Variants in CTNNA3 observed in about 807,000 individuals in gnomAD.
CTNNA3 encodes the protein catenin alpha-3.
CTNNA3 carries 76 observed loss-of-function variants against 95.7 expected under a neutral mutation model. The ratio of observed to expected loss-of-function variants is 0.79; its 90% CI spans 0.66 to 0.96. The LOEUF is 0.96. Ranked by LOEUF, CTNNA3 falls within the 40% of genes least tolerant of loss-of-function variation. The probability of loss-of-function intolerance (pLI) is 0.00; values close to 1 mark genes in which losing one functional copy is unlikely to be tolerated. For missense variants in CTNNA3, 1,191 were observed against 1,089.8 expected (o/e 1.09, Z -1.31); for synonymous variants, 431 against 374.4 (o/e 1.15, Z -1.74).
intron 3 of CTNNA3, among the ~76,000 whole-genome samples, chr10:67,595,814 T>C (rs1842918942): frequency 6.6e-6 from 1 of 152,232 alleles, no homozygotes; most frequent in Non-Finnish European, 1.5e-5. Context: ...TGCTCTAGTG[T>C]TGAGTACATA....
chr10:66,193,101 T>A (rs1481943205), intron 13 of CTNNA3, among the ~76,000 whole-genome samples: 1 of 152,128 alleles, frequency 6.6e-6, no homozygotes, highest in African/African-American at 2.4e-5. Flanking sequence ...ATTTACAAGG[T>A]CTATTGGGAG....
At chr10:67,642,286 A>T (rs1316486945) in intron 2 of CTNNA3, among the ~76,000 whole-genome samples, 1 of 152,138 alleles carries the variant, frequency 6.6e-6, no homozygotes, top group African/African-American at 2.4e-5. Flanking sequence ...CAATCTATTC[A>T]TCTGGCAAAG....
rs144854668 is a variant in CTNNA3, at chr10:67,695,236, A to G, written c.-6+764T>C. Among the ~76,000 whole-genome samples the G allele has an allele frequency of 5.2e-3, 793 of 152,324 alleles. 5 individuals are homozygous for G. Among genetic ancestry groups the G allele is most frequent in the African/African-American group, 0.015 (629 of 41,566 alleles). The stretch of plus-strand genomic sequence containing the variant: ...TATCTCCAGAGATCTTAGTAGGCAC[A>G]TATCAGTGACTCAAAACCTCTACAG... On this transcript the variant is annotated intron_variant, in intron 1 of 17. Coordinates refer to ENST00000433211, the MANE Select transcript of CTNNA3 (RefSeq NM_013266.4).
intron 13 of CTNNA3, among the ~76,000 whole-genome samples, chr10:66,232,330 A>G (rs1382468022): frequency 1.3e-5 from 2 of 152,214 alleles, no homozygotes; most frequent in Non-Finnish European, 2.9e-5. Flanking sequence ...AGTTCTCTTA[A>G]GTTAATCAAC....
chr10:66,346,246 T>TATAGAGAGAG (rs1416945569), intron 12 of CTNNA3, among the ~76,000 whole-genome samples: 5 of 27,790 alleles, frequency 1.8e-4, no homozygotes, highest in Non-Finnish European at 3.8e-4. Flanking sequence ...TATATATATA[T>TATAGAGAGAG]AGAGAGAGAG....
chr10:67,013,491 C>T (rs1193091876), intron 7 of CTNNA3, among the ~76,000 whole-genome samples: 4 of 152,094 alleles, frequency 2.6e-5, no homozygotes, highest in African/African-American at 4.8e-5. Flanking sequence ...TTTCAAAGTC[C>T]ATTCACGTGC....
chr10:67,084,024 T>G (rs1857181631), intron 7 of CTNNA3, among the ~76,000 whole-genome samples: 1 of 152,160 alleles, frequency 6.6e-6, no homozygotes, highest in African/African-American at 2.4e-5. Flanking sequence ...AGAGGTTCGT[T>G]GCTTTGCAAC....
At chr10:66,970,921 C>T (rs886720216) in intron 7 of CTNNA3, among the ~76,000 whole-genome samples, 4 of 152,154 alleles carry the variant, frequency 2.6e-5, no homozygotes, top group African/African-American at 4.8e-5. Context: ...AAAATTCCCT[C>T]AACCAAGTGA....
At chr10:66,613,535 T>C (rs971942261) in intron 10 of CTNNA3, among the ~76,000 whole-genome samples, 1 of 152,014 alleles carries the variant, frequency 6.6e-6, no homozygotes, top group African/African-American at 2.4e-5. Flanking sequence ...TCTTAGTAGC[T>C]GTGCTCATAG....
intron 13 of CTNNA3, among the ~76,000 whole-genome samples, chr10:66,142,189 T>A (rs929008968): frequency 6.6e-6 from 1 of 152,154 alleles, no homozygotes; most frequent in African/African-American, 2.4e-5. Flanking sequence ...GCATATAAAG[T>A]CTGTGTCTAA....
At chr10:67,511,838 G>A (rs1330701172) in intron 5 of CTNNA3, among the ~76,000 whole-genome samples, 1 of 152,074 alleles carries the variant, frequency 6.6e-6, no homozygotes, top group Non-Finnish European at 1.5e-5. Context: ...ACTTTTTTTG[G>A]TTGGTAGGCT....
chr10:66,131,860 T>C (rs1232543603), intron 13 of CTNNA3, among the ~76,000 whole-genome samples: 1 of 152,188 alleles, frequency 6.6e-6, no homozygotes, highest in Non-Finnish European at 1.5e-5. Context: ...TGCAGAAGAC[T>C]GAAACTGGAC....
At chr10:66,931,519 A>T (rs1274005687) in intron 7 of CTNNA3, among the ~76,000 whole-genome samples, 1 of 152,236 alleles carries the variant, frequency 6.6e-6, no homozygotes, top group African/African-American at 2.4e-5. Flanking sequence ...GTAGACAGGC[A>T]GTAAATTGTC....
At chr10:66,476,195 CAT>C (rs113423725) in intron 11 of CTNNA3, among the ~76,000 whole-genome samples, 9,382 of 151,934 alleles carry the variant, frequency 0.062, 601 homozygotes, top group African/African-American at 0.16. Context: ...GGGAATGACA[CAT>C]GAGTCTTATC....
At chr10:67,328,895 T>C (rs1375211600) in intron 5 of CTNNA3, among the ~76,000 whole-genome samples, 2 of 152,196 alleles carry the variant, frequency 1.3e-5, no homozygotes, top group African/African-American at 4.8e-5. Flanking sequence ...TTTTGAAACT[T>C]TTTCAATATA....
intron 7 of CTNNA3, among the ~76,000 whole-genome samples, chr10:67,166,435 G>A (rs892034568): frequency 1.3e-5 from 2 of 151,850 alleles, no homozygotes; most frequent in African/African-American, 4.8e-5. Flanking sequence ...TCAGATCTCT[G>A]TTATAAGTGT....
intron 12 of CTNNA3, among the ~76,000 whole-genome samples, chr10:66,346,221 A>AAG (rs1347252976): frequency 1.9e-4 from 18 of 94,172 alleles, no homozygotes; most frequent in Admixed American, 1.4e-3. Flanking sequence ...GTATATATAT[A>AAG]TATATATATA....
At chr10:67,323,463 T>C (rs996956294) in intron 5 of CTNNA3, among the ~76,000 whole-genome samples, 1 of 152,222 alleles carries the variant, frequency 6.6e-6, no homozygotes, top group African/African-American at 2.4e-5. Flanking sequence ...CACCACTTAT[T>C]GAATAGGGAA....
At chr10:66,984,601 T>A (rs1850625481) in intron 7 of CTNNA3, among the ~76,000 whole-genome samples, 1 of 152,180 alleles carries the variant, frequency 6.6e-6, no homozygotes, top group African/African-American at 2.4e-5. Flanking sequence ...CTCAATGCGT[T>A]CATGATTCCT....
Sources: allele counts gnomAD v4.1 joint callset (sites outside exome capture counted in the v4.1 genomes callset), GRCh38; gene constraint gnomAD v4.1.1; transcripts MANE v1.5; gene names NCBI Gene and HGNC (gene_info 2026-07-23, HGNC 2026-07-21).